GRK5: variants seen among roughly 807,000 people sequenced by gnomAD.
GRK5 encodes g protein-coupled receptor kinase GRK5.
A neutral mutation model predicts 78.4 loss-of-function variants in GRK5; 40 were observed. The observed-to-expected ratio is 0.51, with a 90% CI of 0.40 to 0.66. The LOEUF (loss-of-function observed/expected upper bound fraction) is 0.66. Among genes scored for constraint, GRK5 ranks in the 30% least tolerant of loss-of-function variants. The probability of loss-of-function intolerance (pLI) is 0.00; values close to 1 mark genes in which losing one functional copy is unlikely to be tolerated. For synonymous variants in GRK5, 289 were observed against 296.8 expected (o/e 0.97, Z 0.27); for missense variants, 598 against 759.9 (o/e 0.79, Z 2.50).
At chr10:119,338,165 G>A (rs765400436) in intron 2 of GRK5, among the ~76,000 whole-genome samples, 5 of 152,164 alleles carry the variant, frequency 3.3e-5, no homozygotes, top group Non-Finnish European at 5.9e-5. Context: ...GATTCCCACC[G>A]GGTCTGAGGG....
intron 12 of GRK5, among the ~76,000 whole-genome samples, chr10:119,446,711 C>T (rs565911465): frequency 1.2e-4 from 18 of 152,344 alleles, no homozygotes; most frequent in African/African-American, 3.6e-4. Flanking sequence ...CAACACTGAG[C>T]GACTGAGTGC....
chr10:119,299,951 A>G (rs1850147328), intron 1 of GRK5, among the ~76,000 whole-genome samples: 1 of 152,054 alleles, frequency 6.6e-6, no homozygotes, highest in Non-Finnish European at 1.5e-5. Flanking sequence ...TCCTAATGCT[A>G]GCCCTCCCCC....
Position 119,238,064 on chromosome 10 carries a change from A to G in GRK5, c.52+30095A>G, listed in dbSNP as rs1340852800. ...AGGGCTTGAGGGTGAGGGGGTGCTGATCTAGGGAGGAAGGAGGTTGCTTTC... is the reference window on the plus strand; with the variant it reads ...AGGGCTTGAGGGTGAGGGGGTGCTGGTCTAGGGAGGAAGGAGGTTGCTTTC... On this transcript the variant is annotated intron_variant, in intron 1 of 15. Transcript: ENST00000392870. This position sits in a 1 kb window ranked among gnomAD's most constrained non-coding sequence, Gnocchi z 4.7. Among the ~76,000 whole-genome samples, 2 of 152,128 alleles carry G rather than the reference A, an allele frequency of 1.3e-5. No individual in the cohort carries two copies. Among genetic ancestry groups the G allele is most frequent in the Non-Finnish European group, 2.9e-5 (2 of 68,028 alleles).
intron 2 of GRK5, among the ~76,000 whole-genome samples, chr10:119,347,756 G>A (rs1331890206): frequency 6.6e-6 from 1 of 152,236 alleles, no homozygotes; most frequent in East Asian, 1.9e-4. Context: ...GCCCTTGCTG[G>A]ACCAGTAGGC....
At chr10:119,433,662 G>A (rs1426610598) in intron 8 of GRK5, among the ~76,000 whole-genome samples, 11 of 152,140 alleles carry the variant, frequency 7.2e-5, no homozygotes, top group Non-Finnish European at 1.3e-4. Context: ...CCAGTTTTAC[G>A]GCACAGCCAG....
intron 6 of GRK5, among the ~76,000 whole-genome samples, chr10:119,426,654 G>A (rs1248847879): frequency 6.6e-6 from 1 of 152,204 alleles, no homozygotes; most frequent in African/African-American, 2.4e-5. Flanking sequence ...GCTGAATGCA[G>A]TTGTTGCATC....
chr10:119,393,977 G>A (rs1564916469), intron 3 of GRK5, among the ~76,000 whole-genome samples: 1 of 149,722 alleles, frequency 6.7e-6, no homozygotes, highest in Non-Finnish European at 1.5e-5. Flanking sequence ...GTGTAGGTGT[G>A]TGTGGGTATG....
intron 4 of GRK5, 23 bp downstream of exon 4, chr10:119,396,795 C>G: frequency 1.9e-6 from 3 of 1,578,900 alleles, no homozygotes; most frequent in Non-Finnish European, 2.6e-6. Flanking sequence ...CCAAACCCCA[C>G]AGCAGGTGGC....
At chr10:119,451,489 T>C (rs1853284202) in intron 13 of GRK5, among the ~76,000 whole-genome samples, 1 of 152,060 alleles carries the variant, frequency 6.6e-6, no homozygotes, top group Non-Finnish European at 1.5e-5. Flanking sequence ...ATCTTAAAAT[T>C]CTAAATGTGG....
chr10:119,325,679 TG>T (rs1279415277), intron 1 of GRK5, among the ~76,000 whole-genome samples: 1 of 152,156 alleles, frequency 6.6e-6, no homozygotes, highest in Non-Finnish European at 1.5e-5. Context: ...CAGATGCTGG[TG>T]GGCTCAGGGA....
chr10:119,317,401 G>A (rs1035089276), intron 1 of GRK5, among the ~76,000 whole-genome samples: 4 of 151,304 alleles, frequency 2.6e-5, no homozygotes, highest in African/African-American at 9.7e-5. Context: ...ATAGGTGTGA[G>A]GCTTGAGGTG....
chr10:119,359,279 C>T (rs981578549), intron 2 of GRK5, among the ~76,000 whole-genome samples: 5 of 152,164 alleles, frequency 3.3e-5, no homozygotes, highest in Middle Eastern at 3.2e-3. Context: ...CATGCCCTTA[C>T]GGGGGCCTAT....
rs981911729 is a variant in GRK5, at chr10:119,445,539, G to A, written c.1266+1787G>A. Among the ~76,000 whole-genome samples, 2 of 152,154 alleles carry A rather than the reference G, an allele frequency of 1.3e-5. No individual in the cohort carries two copies. The highest frequency in any genetic ancestry group is 2.9e-5 in the Non-Finnish European group (2 of 68,026). ...TCTGCTGCCCCCTGGTGGACACTGAGAGAAAGCCTGCTGCTCCCGGAGGAC... is the reference window on the plus strand; with the variant it reads ...TCTGCTGCCCCCTGGTGGACACTGAAAGAAAGCCTGCTGCTCCCGGAGGAC... On this transcript the variant is annotated intron_variant, in intron 12 of 15. Coordinates refer to ENST00000392870, the MANE Select transcript of GRK5 (RefSeq NM_005308.3). The surrounding 1 kb of genome is among the most constrained non-coding windows in gnomAD (Gnocchi z 4.1).
chr10:119,289,907 A>G (rs1849919652), intron 1 of GRK5, among the ~76,000 whole-genome samples: 1 of 152,200 alleles, frequency 6.6e-6, no homozygotes, highest in Admixed American at 6.5e-5. Context: ...ACTGTTTTAA[A>G]TGTATAGTAT....
intron 10 of GRK5, among the ~76,000 whole-genome samples, chr10:119,441,110 G>C (rs370972101): frequency 1.3e-5 from 2 of 152,246 alleles, no homozygotes; most frequent in African/African-American, 4.8e-5. Flanking sequence ...GCCCTGTGGA[G>C]GGGCGGTCGG....
intron 2 of GRK5, among the ~76,000 whole-genome samples, chr10:119,356,476 G>C: frequency 6.6e-6 from 1 of 152,180 alleles, no homozygotes; most frequent in East Asian, 1.9e-4. Context: ...CGTGGCTCAT[G>C]CTTTCTTGAT....
At position 119,412,206 on chromosome 10, in the gene GRK5, C is replaced by T. The variant is rs1852359917; in HGVS notation, c.340-10960C>T. 6.6e-6 allele frequency among the ~76,000 whole-genome samples: 1 copy of T among 152,124 alleles called. No individual in the cohort carries two copies. The highest frequency in any genetic ancestry group is 2.4e-5 in the African/African-American group (1 of 41,438). ...CACCTTCATGGGAAACGGTGAGCAT[C>T]ACCTTCCTTTGAACTCAAAAGAGGC... On this transcript the variant is annotated intron_variant, in intron 4 of 15. Coordinates refer to ENST00000392870, the MANE Select transcript of GRK5 (RefSeq NM_005308.3). The surrounding 1 kb of genome is among the most constrained non-coding windows in gnomAD (Gnocchi z 4.3).
intron 1 of GRK5, among the ~76,000 whole-genome samples, chr10:119,258,664 A>C (rs1849324857): frequency 6.6e-6 from 1 of 152,094 alleles, no homozygotes; most frequent in African/African-American, 2.4e-5. Context: ...TGCCTGTTTT[A>C]GTTTAGGTTC....
intron 3 of GRK5, among the ~76,000 whole-genome samples, chr10:119,394,394 CTGTG>C (rs1200178670): frequency 1.3e-4 from 1 of 7,946 alleles, no homozygotes; most frequent in East Asian, 5.0e-3. Context: ...GTATCTGTGT[CTGTG>C]TGTGGGCATG....
Sources: gnomAD v4.1 joint callset for allele counts (sites outside exome capture counted in the v4.1 genomes callset) on GRCh38, gnomAD v4.1.1 for gene constraint, Gnocchi (gnomAD v3.1) non-coding constraint, MANE v1.5 for transcripts, NCBI Gene and HGNC (gene_info 2026-07-23, HGNC 2026-07-21) for gene names.